Variants in CPNE8 observed in about 807,000 individuals in gnomAD.
CPNE8 encodes the protein copine-8.
Under a neutral mutation model 81.5 loss-of-function variants are expected in CPNE8, and 45 were observed. The ratio of observed to expected loss-of-function variants is 0.55; its 90% CI spans 0.44 to 0.71. CPNE8 has a LOEUF of 0.71. Among genes scored for constraint, CPNE8 ranks in the 30% least tolerant of loss-of-function variants. CPNE8 has a pLI of 0.00. For missense variants in CPNE8, 594 were observed against 672.1 expected (o/e 0.88, Z 1.28); for synonymous variants, 252 against 226.3 (o/e 1.11, Z -1.02).
At chr12:38,706,989 G>T (rs1342929470) in intron 13 of CPNE8, among the ~76,000 whole-genome samples, 1 of 152,108 alleles carries the variant, frequency 6.6e-6, no homozygotes, top group African/African-American at 2.4e-5. Flanking sequence ...ATGGCTATTT[G>T]CTAAAGAACC....
chr12:38,872,971 C>A, intron 3 of CPNE8, 33 bp downstream of exon 3: 1 of 1,250,568 alleles, frequency 8.0e-7, no homozygotes, highest in East Asian at 2.3e-5. Flanking sequence ...ATCTTCAAGC[C>A]CAGTGATTTT....
At chr12:38,797,609 C>T (rs1043699311) in intron 6 of CPNE8, among the ~76,000 whole-genome samples, 3 of 152,102 alleles carry the variant, frequency 2.0e-5, no homozygotes, top group African/African-American at 7.2e-5. Context: ...AAAAACAGAG[C>T]AGAAAAACTG....
chr12:38,784,977 C>G (rs542718682), intron 6 of CPNE8, among the ~76,000 whole-genome samples: 1 of 152,092 alleles, frequency 6.6e-6, no homozygotes, highest in South Asian at 2.1e-4. Flanking sequence ...GGCAGATCAC[C>G]TGAGGTCAGG....
At chr12:38,838,673 G>A (rs908945020) in intron 5 of CPNE8, among the ~76,000 whole-genome samples, 16 of 152,074 alleles carry the variant, frequency 1.1e-4, no homozygotes, top group Admixed American at 6.5e-5. Flanking sequence ...TTTACTTATG[G>A]AGAGCAATAA....
chr12:38,815,424 C>T (rs1002721626), intron 6 of CPNE8, among the ~76,000 whole-genome samples: 7 of 152,156 alleles, frequency 4.6e-5, no homozygotes, highest in Non-Finnish European at 8.8e-5. Context: ...TGCCCAAGAG[C>T]TTTTCACATG....
At chr12:38,730,186 T>C (rs1940798465) in intron 11 of CPNE8, 97 bp downstream of exon 11, 19 of 770,060 alleles carry the variant, frequency 2.5e-5, no homozygotes, top group Non-Finnish European at 4.3e-5. Context: ...TGATACTTAG[T>C]TAACCTTTGG....
rs71068574 is a variant in CPNE8 at position 38,704,916 on chromosome 12, G to GTT, written c.915-1997_915-1996dup. ...AAACTTATTTTAGTGAATTAGTTTA[G>GTT]TTTTTTTTTTTTTTTTTGCTGATGG... On this transcript the variant is annotated intron_variant, in intron 13 of 19. Transcript: ENST00000331366. 4.2e-4 allele frequency among the ~76,000 whole-genome samples: 40 copies of GTT among 95,294 alleles called. 2 individuals are homozygous for GTT. The highest frequency in any genetic ancestry group is 1.5e-3 in the East Asian group (5 of 3,344). 62.5% of individuals were successfully genotyped at this position (95,294 alleles called of 152,430 possible). A position where few individuals can be genotyped will look rare whatever the true frequency, so the allele number is the denominator to read the frequency against.
chr12:38,700,505 GTGAGCCAC>G (rs1322386757), intron 14 of CPNE8, among the ~76,000 whole-genome samples: 1 of 151,686 alleles, frequency 6.6e-6, no homozygotes, highest in African/African-American at 2.4e-5. Context: ...GAATACAGGC[GTGAGCCAC>G]TGAGCCTGGC....
At chr12:38,735,090 C>T (rs2069211) in intron 10 of CPNE8, among the ~76,000 whole-genome samples, 83,969 of 151,886 alleles carry the variant, frequency 0.55, 23,766 homozygotes, top group East Asian at 0.81. Flanking sequence ...TGGAACAAAA[C>T]TGGTATGATC....
At chr12:38,817,454 G>T (rs946313273) in intron 6 of CPNE8, among the ~76,000 whole-genome samples, 3 of 152,010 alleles carry the variant, frequency 2.0e-5, no homozygotes, top group African/African-American at 7.2e-5. Flanking sequence ...ACAGACACCA[G>T]GAAGGAACCT....
intron 6 of CPNE8, among the ~76,000 whole-genome samples, chr12:38,813,523 G>T (rs971918211): frequency 2.0e-5 from 3 of 152,184 alleles, no homozygotes; most frequent in African/African-American, 7.2e-5. Context: ...TTCAATTTGA[G>T]ATTTCTTTGG....
chr12:38,685,108 C>T (rs940950255), intron 16 of CPNE8, among the ~76,000 whole-genome samples: 5 of 152,154 alleles, frequency 3.3e-5, no homozygotes, highest in African/African-American at 1.2e-4. Flanking sequence ...AGAATTCAGT[C>T]TCTTACTACT....
At chr12:38,685,469 C>T in intron 16 of CPNE8, 21 bp downstream of exon 16, 1 of 1,609,734 alleles carries the variant, frequency 6.2e-7, no homozygotes, top group Non-Finnish European at 8.5e-7. Context: ...AGAATAAGCA[C>T]CTTGTCTACT....
chr12:38,737,614 A>G (rs1940984928), intron 10 of CPNE8, among the ~76,000 whole-genome samples: 1 of 151,982 alleles, frequency 6.6e-6, no homozygotes, highest in Admixed American at 6.6e-5. Context: ...ATCTCTCTAG[A>G]TTTGCTATTA....
intron 10 of CPNE8, among the ~76,000 whole-genome samples, chr12:38,733,423 T>C (rs1302914425): frequency 6.6e-6 from 1 of 151,988 alleles, no homozygotes; most frequent in East Asian, 1.9e-4. Flanking sequence ...CTGTTCATGA[T>C]GCTCAATACT....
At chr12:38,817,753 A>T (rs1320659571) in intron 6 of CPNE8, among the ~76,000 whole-genome samples, 1 of 150,074 alleles carries the variant, frequency 6.7e-6, no homozygotes, top group African/African-American at 2.5e-5. Context: ...CCTCCCGAGT[A>T]GCTGGGACTA....
chr12:38,704,665 T>C (rs899464841), intron 13 of CPNE8, among the ~76,000 whole-genome samples: 2 of 151,744 alleles, frequency 1.3e-5, no homozygotes, highest in African/African-American at 4.8e-5. Flanking sequence ...GTTTACCCAG[T>C]GATCCTGTGG....
At chr12:38,801,480 C>T (rs1338088414) in intron 6 of CPNE8, among the ~76,000 whole-genome samples, 6 of 40,190 alleles carry the variant, frequency 1.5e-4, no homozygotes, top group African/African-American at 7.4e-4. Context: ...CACCACCAGG[C>T]CTGCCCTAAA....
chr12:38,764,065 C>T (rs1941626104), intron 8 of CPNE8, among the ~76,000 whole-genome samples: 1 of 152,128 alleles, frequency 6.6e-6, no homozygotes, highest in Non-Finnish European at 1.5e-5. Flanking sequence ...TAAGGAAACT[C>T]GTGTCATTAA....
Sources: gnomAD v4.1 joint callset for allele counts (sites outside exome capture counted in the v4.1 genomes callset) on GRCh38, gnomAD v4.1.1 for gene constraint, MANE v1.5 for transcripts, NCBI Gene and HGNC (gene_info 2026-07-23, HGNC 2026-07-21) for gene names.